CTNNA3: variants seen among roughly 807,000 people sequenced by gnomAD.
CTNNA3 encodes the protein catenin alpha 3.
Under a neutral mutation model 95.7 loss-of-function variants are expected in CTNNA3, and 76 were observed. The observed-to-expected ratio is 0.79, with a 90% CI of 0.66 to 0.96. The LOEUF is 0.96. CTNNA3 is among the 40% of genes least tolerant of loss of function. The probability of loss-of-function intolerance (pLI) is 0.00; values close to 1 mark genes in which losing one functional copy is unlikely to be tolerated. For synonymous variants in CTNNA3, 431 were observed against 374.4 expected, an observed-to-expected ratio of 1.15 and a Z score of -1.74; for missense variants, 1,191 against 1,089.8, an observed-to-expected ratio of 1.09 and a Z score of -1.31.
intron 9 of CTNNA3, among the ~76,000 whole-genome samples, chr10:66,650,967 T>C (rs933533267): frequency 6.6e-6 from 1 of 152,180 alleles, no homozygotes; most frequent in African/African-American, 2.4e-5. Context: ...TTTATTCCCT[T>C]ATCTGACCCC....
intron 13 of CTNNA3, among the ~76,000 whole-genome samples, chr10:66,170,120 C>A (rs1251221631): frequency 1.3e-5 from 2 of 151,552 alleles, no homozygotes; most frequent in African/African-American, 4.8e-5. Context: ...AAGGGTTTTT[C>A]TGATGTTATC....
intron 5 of CTNNA3, among the ~76,000 whole-genome samples, chr10:67,268,381 T>C (rs1166196267): frequency 6.7e-6 from 1 of 150,304 alleles, no homozygotes; most frequent in Non-Finnish European, 1.5e-5. Context: ...AATCAGCCGT[T>C]AGCGGCGGCT....
Position 67,137,676 on chromosome 10 carries a change from T to G in CTNNA3, c.1047+42641A>C, listed in dbSNP as rs1319864902. ...ATGTTCCTTTGTCATAGCCACTGAA[T>G]AGCATGAACTAACAGCGGTCCTGAA... On this transcript the variant is annotated intron_variant, in intron 7 of 17. Coordinates refer to ENST00000433211, the MANE Select transcript of CTNNA3 (RefSeq NM_013266.4). 3.3e-5 allele frequency among the ~76,000 whole-genome samples: 5 copies of G among 152,302 alleles called. No homozygotes were observed. The East Asian group carries it at 9.6e-4, about 29-fold the overall frequency.
intron 9 of CTNNA3, among the ~76,000 whole-genome samples, chr10:66,636,138 C>A (rs567136646): frequency 6.6e-6 from 1 of 151,852 alleles, no homozygotes; most frequent in African/African-American, 2.4e-5. Context: ...GATTTCATAT[C>A]CCCTCATTCT....
chr10:66,930,673 T>G (rs1847327562), intron 7 of CTNNA3, among the ~76,000 whole-genome samples: 1 of 152,196 alleles, frequency 6.6e-6, no homozygotes, highest in Non-Finnish European at 1.5e-5. Flanking sequence ...ATATAAAATA[T>G]GCTTGCTGTA....
intron 5 of CTNNA3, among the ~76,000 whole-genome samples, chr10:67,323,054 T>G (rs1841388858): frequency 6.6e-6 from 1 of 152,212 alleles, no homozygotes; most frequent in South Asian, 2.1e-4. Flanking sequence ...ATTTGCCCAC[T>G]TTTTAATGGG....
intron 17 of CTNNA3, among the ~76,000 whole-genome samples, chr10:65,956,904 C>T (rs1006091467): frequency 1.3e-5 from 2 of 152,136 alleles, no homozygotes; most frequent in African/African-American, 4.8e-5. Context: ...TCTATTAGGT[C>T]TGCTTGGTGC....
chr10:66,461,814 A>AT lies in CTNNA3; in HGVS notation c.1531+58802dup, dbSNP rs35888450. Among the ~76,000 whole-genome samples, 427 of 140,154 alleles carry AT rather than the reference A, an allele frequency of 3.0e-3. 2 individuals carry two copies. Among genetic ancestry groups the AT allele is most frequent in the East Asian group, 8.3e-3 (40 of 4,834 alleles). 91.9% of individuals were successfully genotyped at this position (140,154 alleles called of 152,430 possible). A position where few individuals can be genotyped will look rare whatever the true frequency, so the allele number is the denominator to read the frequency against. ...GAAGTAATATCCTTGTATATCTCCA[A>AT]TTTTTTTTTTTTTTTTGAGATGGAG... On this transcript the variant is annotated intron_variant, in intron 11 of 17. Coordinates refer to ENST00000433211, the MANE Select transcript of CTNNA3 (RefSeq NM_013266.4).
intron 7 of CTNNA3, among the ~76,000 whole-genome samples, chr10:66,939,869 G>C (rs573348157): frequency 1.3e-5 from 2 of 152,006 alleles, no homozygotes; most frequent in African/African-American, 2.4e-5. Context: ...CATTGTACTT[G>C]TAACAATCTT....
At chr10:67,611,248 A>G (rs1843444056) in intron 2 of CTNNA3, among the ~76,000 whole-genome samples, 1 of 152,160 alleles carries the variant, frequency 6.6e-6, no homozygotes, top group African/African-American at 2.4e-5. Flanking sequence ...AGCTTAATGA[A>G]CCAAGCCATC....
chr10:66,738,928 C>A (rs531832557), intron 9 of CTNNA3, among the ~76,000 whole-genome samples: 3 of 152,120 alleles, frequency 2.0e-5, no homozygotes, highest in Admixed American at 6.6e-5. Flanking sequence ...TTTTCCCAAC[C>A]CTTTTCACCT....
intron 12 of CTNNA3, among the ~76,000 whole-genome samples, chr10:66,280,915 C>A (rs2091480797): frequency 6.6e-6 from 1 of 151,456 alleles, no homozygotes. Context: ...TTTATATCAT[C>A]TTTGTTTTTA....
chr10:67,008,487 G>A (rs1005903389), intron 7 of CTNNA3, among the ~76,000 whole-genome samples: 3 of 151,982 alleles, frequency 2.0e-5, no homozygotes, highest in African/African-American at 7.3e-5. Flanking sequence ...TTTTTACAGG[G>A]TGGCTATTCA....
At chr10:66,991,587 T>C (rs547003625) in intron 7 of CTNNA3, among the ~76,000 whole-genome samples, 121 of 152,306 alleles carry the variant, frequency 7.9e-4, no homozygotes, top group Non-Finnish European at 1.4e-3. Flanking sequence ...GTTTCGCTCT[T>C]GTTGCCCAGG....
intron 11 of CTNNA3, among the ~76,000 whole-genome samples, chr10:66,506,210 G>A (rs1840445404): frequency 6.6e-6 from 1 of 152,088 alleles, no homozygotes; most frequent in Non-Finnish European, 1.5e-5. Flanking sequence ...CCACACCCAA[G>A]GCCTAAACAC....
chr10:66,362,757 T>C (rs972514753), intron 12 of CTNNA3, among the ~76,000 whole-genome samples: 1 of 152,078 alleles, frequency 6.6e-6, no homozygotes, highest in Non-Finnish European at 1.5e-5. Context: ...ATTGGAAGCT[T>C]TAAAGAATCC....
chr10:66,504,972 T>C (rs1734918064), intron 11 of CTNNA3, among the ~76,000 whole-genome samples: 1 of 152,204 alleles, frequency 6.6e-6, no homozygotes, highest in African/African-American at 2.4e-5. Flanking sequence ...TATGCAAGTC[T>C]AAAATGCAAA....
intron 5 of CTNNA3, among the ~76,000 whole-genome samples, chr10:67,261,845 T>A (rs1166853213): frequency 6.6e-6 from 1 of 152,192 alleles, no homozygotes; most frequent in Non-Finnish European, 1.5e-5. Context: ...TCAGTGATGC[T>A]GCCTCTAGTT....
rs1840447802 is a variant in CTNNA3, at chr10:67,304,255, G to A, written c.580-84385C>T. 2.6e-5 allele frequency among the ~76,000 whole-genome samples: 4 copies of A among 152,110 alleles called. No homozygotes were observed. In the South Asian group the frequency reaches 8.3e-4, roughly 31 times the overall value. On this transcript the variant is annotated intron_variant, in intron 5 of 17. Coordinates refer to ENST00000433211, the MANE Select transcript of CTNNA3 (RefSeq NM_013266.4). ...ATCTATTCAGAATTTGTCTGAATGT[G>A]AAGTCTCAGCCATCCTTGTCAAACC... is the stretch of plus-strand genomic sequence containing the variant.
Sources: allele counts gnomAD v4.1 joint callset (sites outside exome capture counted in the v4.1 genomes callset), GRCh38; gene constraint gnomAD v4.1.1; transcripts MANE v1.5; gene names NCBI Gene and HGNC (gene_info 2026-07-23, HGNC 2026-07-21).